The following TECR variants were observed in gnomAD, a reference collection of about 807,000 sequenced individuals.
TECR encodes the protein trans-2,3-enoyl-CoA reductase.
A neutral mutation model predicts 50.6 loss-of-function variants in TECR; 19 were observed. The ratio of observed to expected loss-of-function variants is 0.38; its 90% CI spans 0.26 to 0.55. The LOEUF (loss-of-function observed/expected upper bound fraction) is 0.55. Ranked by LOEUF, TECR falls within the 20% of genes least tolerant of loss-of-function variation. The pLI is 0.79. For missense variants in TECR, 313 were observed against 408.3 expected (o/e 0.77, Z 2.01); for synonymous variants, 168 against 163.5 (o/e 1.03, Z -0.21).
At chr19:14,540,480 C>G (rs1030067257) in intron 1 of TECR, among the ~76,000 whole-genome samples, 1 of 151,938 alleles carries the variant, frequency 6.6e-6, no homozygotes, top group African/African-American at 2.4e-5. Flanking sequence ...GCAACCTCTG[C>G]GTCTGGGATT....
At chr19:14,557,332 G>A (rs182457978) in intron 1 of TECR, among the ~76,000 whole-genome samples, 2 of 150,982 alleles carry the variant, frequency 1.3e-5, no homozygotes, top group East Asian at 3.9e-4. Context: ...TTAGAGACGG[G>A]GTTTCACCAT....
intron 1 of TECR, among the ~76,000 whole-genome samples, chr19:14,551,901 C>T (rs898727100): frequency 2.7e-5 from 4 of 148,528 alleles, no homozygotes; most frequent in Admixed American, 2.0e-4. Context: ...TCCTTTCTCT[C>T]TCTCTCTCTC....
intron 1 of TECR, among the ~76,000 whole-genome samples, chr19:14,540,290 G>A (rs894990038): frequency 9.2e-5 from 14 of 151,778 alleles, no homozygotes; most frequent in Admixed American, 3.3e-4. Flanking sequence ...GGATGGTCTC[G>A]ATCTCCTGAC....
At chr19:14,547,909 C>T (rs1015568167) in intron 1 of TECR, among the ~76,000 whole-genome samples, 13 of 150,488 alleles carry the variant, frequency 8.6e-5, no homozygotes, top group Admixed American at 2.0e-4. Context: ...CTCTGGGCCT[C>T]GAGGGATCCT....
Position 14,563,848 on chromosome 19 carries a change from GCACCACGGCCACACTGTA to G in TECR, c.214_231del (p.Thr72_Tyr77del). 6 of 1,613,962 alleles carry G rather than the reference GCACCACGGCCACACTGTA, an allele frequency of 3.7e-6. No individual in the cohort carries two copies. The highest frequency in any genetic ancestry group is 5.1e-6 in the Non-Finnish European group (6 of 1,179,942). On this transcript the variant is annotated inframe_deletion, in exon 5 of 13. Transcript: ENST00000215567. This position sits in a 1 kb window ranked among gnomAD's most constrained non-coding sequence, Gnocchi z 5.3. ...GATGTTCTGCAGAAGCTGCCCGTGG[GCACCACGGCCACACTGTA>G]CTTCCGGGACCTGGGGGCCCAGATC...
rs546240195 is a variant in TECR at position 14,529,632 on chromosome 19, C to A, written c.-65C>A. The A allele has an allele frequency of 1.1e-5, 17 of 1,612,540 alleles. No homozygotes were observed. The highest frequency in any genetic ancestry group is 1.4e-5 in the Non-Finnish European group (16 of 1,178,908). On this transcript the variant is annotated 5_prime_UTR_variant, in exon 1 of 13. Transcript: ENST00000215567. ...CTGCGGTTGCGAGCGCTGTAGGGAG[C>A]CTGTGCTGTGCCGCGCAGTTAGGCA...
intron 1 of TECR, among the ~76,000 whole-genome samples, chr19:14,556,898 G>GC (rs964652460): frequency 1.3e-5 from 2 of 152,082 alleles, no homozygotes; most frequent in African/African-American, 4.8e-5. Flanking sequence ...GGTCAGCTCG[G>GC]CCTCTGCACC....
At position 14,563,693 on chromosome 19, in the gene TECR, C is replaced by G; in HGVS notation, c.154C>G (p.Leu52Val). 1 of 1,613,172 alleles carries G rather than the reference C, an allele frequency of 6.2e-7. No individual in the cohort carries two copies. The highest frequency in any genetic ancestry group is 8.5e-7 in the Non-Finnish European group (1 of 1,179,900). ...GTACCCCGCCCGCCAGTCCCTCCGC[C>G]TGGACCCCAGTGAGTACAGCTGTCC... ...QWYPARQSLR[L>V]DPKGKSLKDE... Residue 52 changes from leucine to valine, a missense_variant, in exon 4 of 13, where the codon CTG becomes GTG. By Grantham distance (32) the Leu-to-Val change is conservative. Coordinates refer to ENST00000215567, the MANE Select transcript of TECR (RefSeq NM_138501.6). The surrounding 1 kb of genome is among the most constrained non-coding windows in gnomAD (Gnocchi z 5.3).
chr19:14,565,716 C>T lies in TECR; in HGVS notation c.800-28C>T, dbSNP rs374784755. On this transcript the variant is annotated intron_variant, in intron 12 of 12. Transcript: ENST00000215567. ...GCCCTGCCCCTCCGGGCCGGCAGCC[C>T]CTCCCTGACGCCCGTTCTTTCCTGC... is the stretch of plus-strand genomic sequence containing the variant. 4.9e-5 allele frequency: 79 copies of T among 1,612,124 alleles called. 1 individual carries two copies. Among genetic ancestry groups the T allele is most frequent in the Non-Finnish European group, 6.3e-5 (74 of 1,179,694 alleles).
intron 1 of TECR, among the ~76,000 whole-genome samples, chr19:14,550,587 A>G (rs78898315): frequency 3.9e-4 from 59 of 152,242 alleles, no homozygotes; most frequent in African/African-American, 1.3e-3. Flanking sequence ...GTTCTGGACC[A>G]TCCCCTGGGG....
At chr19:14,547,589 T>C (rs1485991244) in intron 1 of TECR, among the ~76,000 whole-genome samples, 8 of 152,092 alleles carry the variant, frequency 5.3e-5, no homozygotes, top group Non-Finnish European at 1.0e-4. Flanking sequence ...CTCAAACTCC[T>C]GACCTCAGGT....
At chr19:14,565,031 T>G in intron 9 of TECR, 35 bp from the exon 10 acceptor site, 3 of 1,613,900 alleles carry the variant, frequency 1.9e-6, no homozygotes, top group Non-Finnish European at 2.5e-6. Flanking sequence ...CGGGGGAGTC[T>G]GGGCGGCCCT....
chr19:14,528,747 C>G (rs1439229488), upstream of TECR, among the ~76,000 whole-genome samples: 2 of 151,740 alleles, frequency 1.3e-5, no homozygotes, highest in South Asian at 2.1e-4. Context: ...CAAGACCAGC[C>G]TGGCCAACCA....
At chr19:14,553,351 G>C (rs1003982199) in intron 1 of TECR, among the ~76,000 whole-genome samples, 1 of 152,172 alleles carries the variant, frequency 6.6e-6, no homozygotes, top group African/African-American at 2.4e-5. Context: ...GAAGACAGGA[G>C]CAGAGCGGTC....
intron 1 of TECR, among the ~76,000 whole-genome samples, chr19:14,554,165 C>T (rs1433345219): frequency 6.6e-6 from 1 of 152,168 alleles, no homozygotes; most frequent in Non-Finnish European, 1.5e-5. Context: ...AGATCTTGGC[C>T]TCTTCATCTG....
chr19:14,564,171 C>A lies in TECR; in HGVS notation c.384-11C>A, dbSNP rs376432312. ...GGACCAGCCCCAGCTGAGCCTGCTC[C>A]CCCCGACCAGCCTCGCCTGCATCTG... On this transcript the variant is annotated splice_polypyrimidine_tract_variant and intron_variant, in intron 6 of 12. Coordinates refer to ENST00000215567, the MANE Select transcript of TECR (RefSeq NM_138501.6). The A allele has an allele frequency of 9.3e-6, 15 of 1,606,516 alleles. No homozygotes were observed. In the African/African-American group the frequency reaches 1.9e-4, roughly 20 times the overall value.
Position 14,533,651 on chromosome 19 carries a change from G to C in TECR, c.15+3940G>C, listed in dbSNP as rs1476381312. 2.6e-5 allele frequency among the ~76,000 whole-genome samples: 4 copies of C among 152,290 alleles called. No homozygotes were observed. The East Asian group carries it at 7.7e-4, about 29-fold the overall frequency. ...TATCATGGCAGTTGGGATCCCAGCA[G>C]TAGTGGAGATCGGTGGCTGTTTCCA... On this transcript the variant is annotated intron_variant, in intron 1 of 12. Transcript: ENST00000215567.
intron 1 of TECR, 125 bp downstream of exon 1, chr19:14,529,836 A>T (rs2072551830): frequency 5.0e-6 from 7 of 1,399,398 alleles, no homozygotes; most frequent in Admixed American, 3.7e-5. Context: ...GCGCAGGCGC[A>T]GTGGGCAAGC....
chr19:14,543,177 G>A (rs1324497800), intron 1 of TECR, among the ~76,000 whole-genome samples: 1 of 150,078 alleles, frequency 6.7e-6, no homozygotes, highest in Non-Finnish European at 1.5e-5. Context: ...CTCCTTGTGG[G>A]GAGAAGCTGT....
Sources: allele counts gnomAD v4.1 joint callset (sites outside exome capture counted in the v4.1 genomes callset), GRCh38; gene constraint gnomAD v4.1.1; non-coding constraint Gnocchi (gnomAD v3.1); transcripts MANE v1.5; gene names NCBI Gene and HGNC (gene_info 2026-07-23, HGNC 2026-07-21).